GLCCI1: variants seen among roughly 807,000 people sequenced by gnomAD.
The protein encoded by GLCCI1 is glucocorticoid induced 1, also known as glucocorticoid-induced transcript 1 protein.
GLCCI1 carries 24 observed loss-of-function variants against 52.2 expected under a neutral mutation model. The ratio of observed to expected loss-of-function variants is 0.46; its 90% CI spans 0.33 to 0.65. GLCCI1 has a LOEUF of 0.65. GLCCI1 is among the 30% of genes least tolerant of loss of function. The probability of loss-of-function intolerance (pLI) is 0.02; values close to 1 mark genes in which losing one functional copy is unlikely to be tolerated. For synonymous variants in GLCCI1, 310 were observed against 276.5 expected (o/e 1.12, Z -1.20); for missense variants, 704 against 701.5 (o/e 1.00, Z -0.04).
intron 6 of GLCCI1, 32 bp from the exon 7 acceptor site, chr7:8,084,865 C>T: frequency 6.2e-7 from 1 of 1,603,302 alleles, no homozygotes; most frequent in African/African-American, 1.3e-5. Flanking sequence ...AGCTTTCAAT[C>T]ACTAGTTAAT....
chr7:8,024,681 T>C (rs1312156725), intron 3 of GLCCI1: 1 of 152,240 alleles, frequency 6.6e-6, no homozygotes, highest in African/African-American at 2.4e-5. Flanking sequence ...AAGGAATGAC[T>C]GATTCAGTGA....
At chr7:7,994,329 A>G (rs1780898996) in intron 1 of GLCCI1, among the ~76,000 whole-genome samples, 1 of 152,226 alleles carries the variant, frequency 6.6e-6, no homozygotes, top group Non-Finnish European at 1.5e-5. Context: ...AAATTATTTA[A>G]TGAATTTAAA....
At chr7:8,027,538 G>A (rs1781648228) in intron 3 of GLCCI1, among the ~76,000 whole-genome samples, 2 of 151,994 alleles carry the variant, frequency 1.3e-5, no homozygotes, top group South Asian at 4.2e-4. Context: ...CCAAAAGGAA[G>A]ACAAGAAGGG....
chr7:8,078,374 G>A (rs1782920544), intron 6 of GLCCI1, among the ~76,000 whole-genome samples: 1 of 151,946 alleles, frequency 6.6e-6, no homozygotes, highest in Non-Finnish European at 1.5e-5. Context: ...GCAGTAGGAG[G>A]GCAAGATAAG....
intron 2 of GLCCI1, among the ~76,000 whole-genome samples, chr7:8,016,824 G>A (rs550664832): frequency 1.3e-5 from 2 of 152,158 alleles, no homozygotes; most frequent in Non-Finnish European, 2.9e-5. Context: ...AGAATCAATA[G>A]TATTTTACTG....
At chr7:7,973,163 T>G (rs970474226) in intron 1 of GLCCI1, among the ~76,000 whole-genome samples, 4 of 152,186 alleles carry the variant, frequency 2.6e-5, no homozygotes, top group African/African-American at 9.7e-5. Flanking sequence ...ATGCAAATAG[T>G]TATTTTTTTG....
intron 4 of GLCCI1, among the ~76,000 whole-genome samples, chr7:8,059,861 T>A (rs1464476126): frequency 6.6e-6 from 1 of 152,250 alleles, no homozygotes; most frequent in Non-Finnish European, 1.5e-5. Context: ...ATTATACAGG[T>A]ATACCTTTAT....
At chr7:8,072,387 A>C (rs1782782250) in intron 6 of GLCCI1, among the ~76,000 whole-genome samples, 1 of 152,090 alleles carries the variant, frequency 6.6e-6, no homozygotes, top group African/African-American at 2.4e-5. Context: ...TTCATTACTG[A>C]AGGCCTTGTG....
chr7:8,077,575 T>C (rs1021077522), intron 6 of GLCCI1, among the ~76,000 whole-genome samples: 13 of 152,204 alleles, frequency 8.5e-5, no homozygotes, highest in African/African-American at 3.1e-4. Flanking sequence ...CTGTATCTCC[T>C]CACCTATAAA....
In GLCCI1 at chr7:8,071,092, C is replaced by T; in HGVS notation, c.1138C>T (p.Pro380Ser). The stretch of plus-strand genomic sequence containing the variant: ...TCCCCCGGAATCCCAGGATGGTAGC[C>T]CTTGCTCAACAGAAGATTTGCTCTA... ...FCPPESQDGSPCSTEDLLYDR... is the reference protein window; with the variant it reads ...FCPPESQDGSSCSTEDLLYDR... The change falls in exon 6 of 8, where the codon CCT becomes TCT. Residue 380 changes from proline to serine, a missense_variant. By Grantham distance (74) the Pro-to-Ser change is moderately conservative (BLOSUM62 -1). Transcript: ENST00000223145. 6.2e-7 allele frequency: 1 copy of T among 1,614,146 alleles called. No homozygotes were observed. Among genetic ancestry groups the T allele is most frequent in the South Asian group, 1.1e-5 (1 of 91,072 alleles).
intron 1 of GLCCI1, chr7:7,981,830 G>T: frequency 2.3e-6 from 1 of 428,700 alleles, no homozygotes; most frequent in South Asian, 1.7e-5. Flanking sequence ...AGCCCAAATA[G>T]GAGGCAAAAT....
At chr7:8,002,159 T>C (rs1781062615) in intron 1 of GLCCI1, among the ~76,000 whole-genome samples, 1 of 151,758 alleles carries the variant, frequency 6.6e-6, no homozygotes, top group South Asian at 2.1e-4. Context: ...AATATAAAGG[T>C]CAAAAATGTG....
intron 1 of GLCCI1, among the ~76,000 whole-genome samples, chr7:7,993,368 C>G (rs1485641227): frequency 6.6e-6 from 1 of 152,172 alleles, no homozygotes; most frequent in African/African-American, 2.4e-5. Context: ...TTGCTTCTGT[C>G]TGCTCAATTT....
Position 8,071,020 on chromosome 7 carries a change from C to T in GLCCI1, c.1066C>T (p.Arg356Cys), listed in dbSNP as rs145682662. Reference sequence around the variant, plus strand: ...CACTCAGACTCCTTCTGTCCAGGAGCGCAGCAGTAGCTGCAGCAGTCATTC... The same window carrying T: ...CACTCAGACTCCTTCTGTCCAGGAGTGCAGCAGTAGCTGCAGCAGTCATTC... ...IDTQTPSVQE[R>C]SSSCSSHSPC... Residue 356 changes from arginine (R) to cysteine (C), a missense_variant, in exon 6 of 8, where the codon CGC (arginine) becomes TGC (cysteine). Transcript: ENST00000223145. 3.5e-4 allele frequency: 563 copies of T among 1,613,826 alleles called. No homozygotes were observed. The highest frequency in any genetic ancestry group is 4.5e-4 in the Non-Finnish European group (526 of 1,179,812).
intron 1 of GLCCI1, among the ~76,000 whole-genome samples, chr7:8,002,208 T>G (rs983851816): frequency 6.6e-6 from 1 of 152,204 alleles, no homozygotes; most frequent in Non-Finnish European, 1.5e-5. Flanking sequence ...AATAGTAGTT[T>G]AAAGCTTTTA....
intron 3 of GLCCI1, chr7:8,024,731 C>T (rs1781574275): frequency 6.6e-6 from 1 of 152,192 alleles, no homozygotes; most frequent in African/African-American, 2.4e-5. Flanking sequence ...ACCATTAAAG[C>T]TGGACAAAAC....
chr7:7,998,929 T>C (rs1450662449), intron 1 of GLCCI1, among the ~76,000 whole-genome samples: 1 of 152,090 alleles, frequency 6.6e-6, no homozygotes, highest in African/African-American at 2.4e-5. Flanking sequence ...AAAGAAAATA[T>C]AATTTCTGTA....
intron 3 of GLCCI1, among the ~76,000 whole-genome samples, chr7:8,052,753 C>T (rs1317125879): frequency 6.6e-6 from 1 of 152,180 alleles, no homozygotes; most frequent in Non-Finnish European, 1.5e-5. Context: ...ACTGAGGACA[C>T]CAGGTCTCTT....
chr7:8,016,508 T>C (rs1422683379), intron 2 of GLCCI1, among the ~76,000 whole-genome samples: 1 of 152,048 alleles, frequency 6.6e-6, no homozygotes, highest in Non-Finnish European at 1.5e-5. Flanking sequence ...CATAGAGTTA[T>C]AGTTTAAAAT....
Sources: allele counts gnomAD v4.1 joint callset (sites outside exome capture counted in the v4.1 genomes callset), GRCh38; gene constraint gnomAD v4.1.1; transcripts MANE v1.5; gene names NCBI Gene and HGNC (gene_info 2026-07-23, HGNC 2026-07-21).